The following MEX3A variants were observed in gnomAD, a reference collection of about 807,000 sequenced individuals.
MEX3A encodes mex-3 RNA binding family member A, also known as RNA-binding protein MEX3A.
A neutral mutation model predicts 30.0 loss-of-function variants in MEX3A; 4 were observed. That is an observed-to-expected ratio of 0.13 (90% CI 0.07 to 0.30). The LOEUF (loss-of-function observed/expected upper bound fraction) is 0.30, where lower values mean the gene tolerates loss of function less well. MEX3A is among the 10% of genes least tolerant of loss of function. The pLI, the probability that MEX3A is intolerant of heterozygous loss-of-function variation, is 1.00. For synonymous variants in MEX3A, 335 were observed against 327.6 expected (o/e 1.02, Z -0.24); for missense variants, 555 against 736.7 (o/e 0.75, Z 2.86).
Position 156,082,080 on chromosome 1 carries a change from G to A in MEX3A, c.-82C>T. On this transcript the variant is annotated 5_prime_UTR_variant, in exon 1 of 2. Transcript: ENST00000532414. ...AGGGAAAAGAGGAGAGAGGAGGGGA[G>A]GGGAGAGGAGAGGAGGGGGTGTGTG... is the stretch of plus-strand genomic sequence containing the variant. 2.0e-6 allele frequency: 1 copy of A among 497,786 alleles called. No individual in the cohort carries two copies. Among genetic ancestry groups the A allele is most frequent in the South Asian group, 2.8e-5 (1 of 35,840 alleles). 30.8% of individuals were successfully genotyped at this position (497,786 alleles called of 1,614,324 possible).
intron 1 of MEX3A, among the ~76,000 whole-genome samples, chr1:156,078,044 T>C (rs146848114): frequency 8.3e-4 from 127 of 152,186 alleles, no homozygotes; most frequent in African/African-American, 3.0e-3. Flanking sequence ...CTCCCAACAT[T>C]TGCTCTTCCT....
At chr1:156,078,722 A>C (rs191490461) in intron 1 of MEX3A, among the ~76,000 whole-genome samples, 31 of 152,212 alleles carry the variant, frequency 2.0e-4, no homozygotes, top group Admixed American at 6.5e-4. Flanking sequence ...TCCTAGCTTC[A>C]CACAGAGCTT....
chr1:156,074,660 C>G lies in MEX3A; in HGVS notation c.*1914G>C, dbSNP rs1195798027. 6.7e-6 allele frequency: 1 copy of G among 150,062 alleles called. No individual in the cohort carries two copies. The highest frequency in any genetic ancestry group is 1.5e-5 in the Non-Finnish European group (1 of 67,248). The allele number at this position is 150,062 out of a possible 1,614,324, so 9.3% of individuals were successfully genotyped here. A position where few individuals can be genotyped will look rare whatever the true frequency, so the allele number is the denominator to read the frequency against. ...AGACAGACATCCCTTCTTCCCACCC[C>G]CCTCCCCACCTGCCCCCCGGCAACC... On this transcript the variant is annotated 3_prime_UTR_variant, in exon 2 of 2. Transcript: ENST00000532414.
chr1:156,080,009 A>T (rs2102778052), intron 1 of MEX3A, among the ~76,000 whole-genome samples: 1 of 152,252 alleles, frequency 6.6e-6, no homozygotes, highest in East Asian at 1.9e-4. Context: ...GACAAGAGGG[A>T]GGACTTCCAT....
Position 156,077,818 on chromosome 1 carries a change from T to A in MEX3A, c.455-136A>T. On this transcript the variant is annotated intron_variant, in intron 1 of 1. Coordinates refer to ENST00000532414, the MANE Select transcript of MEX3A (RefSeq NM_001093725.2). The surrounding 1 kb of genome is among the most constrained non-coding windows in gnomAD (Gnocchi z 8.3). ...TCAGTCTACCCTTTGAAATGCCCAC[T>A]GCTGCACACACAGTCCACCCTGACT... is the stretch of plus-strand genomic sequence containing the variant. 1 of 1,281,762 alleles carries A rather than the reference T, an allele frequency of 7.8e-7. No individual in the cohort carries two copies. Among genetic ancestry groups the A allele is most frequent in the Non-Finnish European group, 1.0e-6 (1 of 959,096 alleles). 79.4% of individuals were successfully genotyped at this position (1,281,762 alleles called of 1,614,324 possible). A position where few individuals can be genotyped will look rare whatever the true frequency, so the allele number is the denominator to read the frequency against.
At chr1:156,080,000 A>G (rs1422596412) in intron 1 of MEX3A, among the ~76,000 whole-genome samples, 1 of 152,104 alleles carries the variant, frequency 6.6e-6, no homozygotes, top group Non-Finnish European at 1.5e-5. Flanking sequence ...GGGAGGTTAG[A>G]CAAGAGGGAG....
rs2102775999 is a variant in MEX3A, at chr1:156,076,260, C to T, written c.*314G>A. ...AGGTGGGCAGAGGGCGTCAGAATGC[C>T]TTAGTGGCCACCTCTGGCAAAACAA... On this transcript the variant is annotated 3_prime_UTR_variant, in exon 2 of 2. Transcript: ENST00000532414. This position sits in a 1 kb window ranked among gnomAD's most constrained non-coding sequence, Gnocchi z 6.0. The T allele has an allele frequency of 7.7e-6, 2 of 258,866 alleles. No individual in the cohort carries two copies. The highest frequency in any genetic ancestry group is 2.1e-4 in the South Asian group (2 of 9,552). 16.0% of individuals were successfully genotyped at this position (258,866 alleles called of 1,614,324 possible).
chr1:156,076,195 C>T lies in MEX3A; in HGVS notation c.*379G>A, dbSNP rs1648056542. 5.3e-6 allele frequency: 1 copy of T among 186,954 alleles called. No homozygotes were observed. The highest frequency in any genetic ancestry group is 5.5e-5 in the Admixed American group (1 of 18,138). 11.6% of individuals were successfully genotyped at this position (186,954 alleles called of 1,614,324 possible). The stretch of plus-strand genomic sequence containing the variant: ...ATTCTCCCTCTCCCTTTTACCCACC[C>T]CCTCCTCGGAAGAAGGGGTGGAGTG... On this transcript the variant is annotated 3_prime_UTR_variant, in exon 2 of 2. Transcript: ENST00000532414. The surrounding 1 kb of genome is among the most constrained non-coding windows in gnomAD (Gnocchi z 6.0).
In MEX3A at chr1:156,076,627, C is replaced by G. The variant is rs1318514758; in HGVS notation, c.1510G>C (p.Glu504Gln). 6.2e-7 allele frequency: 1 copy of G among 1,613,736 alleles called. No homozygotes were observed. Among genetic ancestry groups the G allele is most frequent in the Admixed American group, 1.7e-5 (1 of 60,000 alleles). Residue 504 changes from glutamate (E) to glutamine (Q), a missense_variant, in exon 2 of 2, where the codon GAG (glutamate) becomes CAG (glutamine). By Grantham distance (29) the Glu-to-Gln change is conservative. This residue lies in a region of MEX3A where 15 missense variants were observed against 59.4 expected (regional missense o/e 0.25). Transcript: ENST00000532414. This position sits in a 1 kb window ranked among gnomAD's most constrained non-coding sequence, Gnocchi z 6.0. ...AVRICERTDP[E>Q]CPVCHITATQ... ...GCTGTGATGTGGCAGACGGGACACT[C>G]TGGGTCCGTCCTCTCGCAGATGCGT... is the stretch of plus-strand genomic sequence containing the variant.
chr1:156,077,542 G>C lies in MEX3A; in HGVS notation c.595C>G (p.His199Asp). 6.2e-7 allele frequency: 1 copy of C among 1,612,312 alleles called. No individual in the cohort carries two copies. The highest frequency in any genetic ancestry group is 8.5e-7 in the Non-Finnish European group (1 of 1,179,226). Residue 199 changes from histidine (H) to aspartate (D), a missense_variant, in exon 2 of 2, where the codon CAC (histidine) becomes GAC (aspartate). Physicochemically the swap from His to Asp is moderately conservative, Grantham distance 81. This residue lies in a region of MEX3A where 32 missense variants were observed against 107.4 expected (regional missense o/e 0.30). Transcript: ENST00000532414. The surrounding 1 kb of genome is among the most constrained non-coding windows in gnomAD (Gnocchi z 8.3). ...ARREIISAAE[H>D]FSMIRASRNK... The stretch of plus-strand genomic sequence containing the variant: ...CGGGAGGCACGGATCATGGAGAAGT[G>C]CTCCGCTGCTGAGATGATTTCCCGC...
rs1313545258 is a variant in MEX3A, at chr1:156,076,964, C to G, written c.1173G>C (p.Leu391=). 14 of 1,611,190 alleles carry G rather than the reference C, an allele frequency of 8.7e-6. No homozygotes were observed. Among genetic ancestry groups the G allele is most frequent in the African/African-American group, 1.3e-5 (1 of 74,856 alleles). The change falls in exon 2 of 2, where the codon CTG becomes CTC. Residue 391 remains leucine, a synonymous_variant. Transcript: ENST00000532414. The surrounding 1 kb of genome is among the most constrained non-coding windows in gnomAD (Gnocchi z 6.0). Reference sequence around the variant, plus strand: ...GCGTGGCGTTCTCCTGGCCCGCCCACAGCGGGGGGCTAGTCTCGGCCACGC... The same window carrying G: ...GCGTGGCGTTCTCCTGGCCCGCCCAGAGCGGGGGGCTAGTCTCGGCCACGC... ...YYGVAETSPP[L]WAGQENATPT... is the part of the protein sequence containing the mutation.
At position 156,073,655 on chromosome 1, in the gene MEX3A, T is replaced by C. The variant is rs1408930783; in HGVS notation, c.*2919A>G. 1 of 152,010 alleles carries C rather than the reference T, an allele frequency of 6.6e-6. No homozygotes were observed. Among genetic ancestry groups the C allele is most frequent in the Admixed American group, 6.5e-5 (1 of 15,278 alleles). 9.4% of individuals were successfully genotyped at this position (152,010 alleles called of 1,614,324 possible). ...TATATGAAATAAATTTGAATTATTA[T>C]TATTAATAATTATTATTTTGTAGTA... On this transcript the variant is annotated 3_prime_UTR_variant, in exon 2 of 2. Coordinates refer to ENST00000532414, the MANE Select transcript of MEX3A (RefSeq NM_001093725.2).
In MEX3A at chr1:156,076,950, T is replaced by G. The variant is rs1028509330; in HGVS notation, c.1187A>C (p.Glu396Ala). 1.2e-6 allele frequency: 2 copies of G among 1,608,852 alleles called. No homozygotes were observed. Among genetic ancestry groups the G allele is most frequent in the Non-Finnish European group, 1.7e-6 (2 of 1,177,814 alleles). ...GAGCACGGAGGTGGGCGTGGCGTTCTCCTGGCCCGCCCACAGCGGGGGGCT... is the reference window on the plus strand; with the variant it reads ...GAGCACGGAGGTGGGCGTGGCGTTCGCCTGGCCCGCCCACAGCGGGGGGCT... ...ETSPPLWAGQ[E>A]NATPTSVLFS... is the part of the protein sequence containing the mutation. Residue 396 changes from glutamate (E) to alanine (A), a missense_variant, in exon 2 of 2, where the codon GAG becomes GCG. Physicochemically the swap from Glu to Ala is moderately radical, Grantham distance 107 (BLOSUM62 -1). This residue lies in a region of MEX3A where 281 missense variants were observed against 265.1 expected (regional missense o/e 1.06). Transcript: ENST00000532414. The surrounding 1 kb of genome is among the most constrained non-coding windows in gnomAD (Gnocchi z 6.0).
Position 156,081,811 on chromosome 1 carries a change from C to A in MEX3A, c.188G>T (p.Gly63Val), listed in dbSNP as rs1648256478. The change falls in exon 1 of 2, where the codon GGA (glycine) becomes GTA (valine). Residue 63 changes from glycine (G) to valine (V), a missense_variant. Gly to Val is a moderately radical substitution (Grantham distance 109, BLOSUM62 -3). This residue lies in a region of MEX3A where 159 missense variants were observed against 159.9 expected (regional missense o/e 0.99). Coordinates refer to ENST00000532414, the MANE Select transcript of MEX3A (RefSeq NM_001093725.2). ...CGCGGGGGCGCCGCCCCCCCCACCT[C>A]CCCCGTCCTCGCCCGCCGTGGGGGC... ...PPAPTAGEDG[G>V]GGGGGAPAQP... 1.6e-6 allele frequency: 2 copies of A among 1,242,630 alleles called. No individual in the cohort carries two copies. The highest frequency in any genetic ancestry group is 3.7e-5 in the East Asian group (1 of 26,954). The allele number at this position is 1,242,630 out of a possible 1,614,324, so 77.0% of individuals were successfully genotyped here.
At chr1:156,080,135 G>A (rs769840258) in intron 1 of MEX3A, among the ~76,000 whole-genome samples, 11 of 152,148 alleles carry the variant, frequency 7.2e-5, no homozygotes, top group Admixed American at 1.3e-4. Flanking sequence ...ATTAAATTCC[G>A]GGGCCTCCCA....
At position 156,076,880 on chromosome 1, in the gene MEX3A, G is replaced by A. The variant is rs1336364643; in HGVS notation, c.1257C>T (p.Arg419=). 3 of 1,540,770 alleles carry A rather than the reference G, an allele frequency of 1.9e-6. No homozygotes were observed. The highest frequency in any genetic ancestry group is 2.6e-6 in the Non-Finnish European group (3 of 1,143,256). The change falls in exon 2 of 2, where the codon CGC becomes CGT. Residue 419 remains arginine (R), a synonymous_variant. Coordinates refer to ENST00000532414, the MANE Select transcript of MEX3A (RefSeq NM_001093725.2). This position sits in a 1 kb window ranked among gnomAD's most constrained non-coding sequence, Gnocchi z 6.0. ...SSSSSSSAKA[R]AGPPGAHRSP... ...AGCGGTGTGCGCCCGGGGGCCCAGC[G>A]CGGGCCTTGGCGGAAGAGGAGGAGG...
At chr1:156,081,340 GGGGA>G (rs1404672987) in intron 1 of MEX3A, among the ~76,000 whole-genome samples, 1 of 152,224 alleles carries the variant, frequency 6.6e-6, no homozygotes, top group East Asian at 1.9e-4. Context: ...CAGAGTCCTG[GGGGA>G]GGAAGGATCT....
In MEX3A at chr1:156,074,505, A is replaced by G. The variant is rs1648004177; in HGVS notation, c.*2069T>C. The G allele has an allele frequency of 6.9e-6, 1 of 144,354 alleles. No individual in the cohort carries two copies. The highest frequency in any genetic ancestry group is 1.5e-5 in the Non-Finnish European group (1 of 66,654). The allele number at this position is 144,354 out of a possible 1,614,324, so 8.9% of individuals were successfully genotyped here. A position where few individuals can be genotyped will look rare whatever the true frequency, so the allele number is the denominator to read the frequency against. On this transcript the variant is annotated 3_prime_UTR_variant, in exon 2 of 2. Coordinates refer to ENST00000532414, the MANE Select transcript of MEX3A (RefSeq NM_001093725.2). ...CTTTCTCTCCTCTATTTTGTCTCTC[A>G]CTATTCGTGTTTTGTGTTTGTTTCT...
chr1:156,073,502 T>C lies in MEX3A; in HGVS notation c.*3072A>G, dbSNP rs539704981. ...GGTGGACTCAGCCACTTCCCTCCTC[T>C]ATTTATCTTTTCCTTACAACTTTTA... On this transcript the variant is annotated 3_prime_UTR_variant, in exon 2 of 2. Coordinates refer to ENST00000532414, the MANE Select transcript of MEX3A (RefSeq NM_001093725.2). The C allele has an allele frequency of 1.3e-5, 2 of 152,814 alleles. No homozygotes were observed. Among genetic ancestry groups the C allele is most frequent in the African/African-American group, 4.8e-5 (2 of 41,552 alleles). 9.5% of individuals were successfully genotyped at this position (152,814 alleles called of 1,614,324 possible).
Sources: gnomAD v4.1 joint callset for allele counts (sites outside exome capture counted in the v4.1 genomes callset) on GRCh38, gnomAD v4.1.1 for gene constraint, gnomAD v4.1.1 regional missense constraint, Gnocchi (gnomAD v3.1) non-coding constraint, MANE v1.5 for transcripts, NCBI Gene and HGNC (gene_info 2026-07-23, HGNC 2026-07-21) for gene names.